NKD1: variants seen among roughly 807,000 people sequenced by gnomAD.
NKD1 encodes the protein NKD inhibitor of Wnt signaling pathway 1.
Under a neutral mutation model 56.0 loss-of-function variants are expected in NKD1, and 21 were observed. The observed-to-expected ratio is 0.38, with a 90% CI of 0.27 to 0.54. NKD1 has a LOEUF of 0.54. Among genes scored for constraint, NKD1 ranks in the 20% least tolerant of loss-of-function variants. The probability of loss-of-function intolerance (pLI) is 0.82; values close to 1 mark genes in which losing one functional copy is unlikely to be tolerated. For synonymous variants in NKD1, 263 were observed against 265.7 expected, an observed-to-expected ratio of 0.99 and a Z score of 0.10; for missense variants, 578 against 642.7, an observed-to-expected ratio of 0.90 and a Z score of 1.09.
intron 4 of NKD1, among the ~76,000 whole-genome samples, chr16:50,611,358 G>A (rs1961842939): frequency 8.2e-6 from 1 of 122,318 alleles, no homozygotes; most frequent in Admixed American, 7.4e-5. Flanking sequence ...TCTTTAGGAA[G>A]GCTGCTCTGC....
intron 4 of NKD1, among the ~76,000 whole-genome samples, chr16:50,612,563 G>T (rs539584886): frequency 6.6e-6 from 1 of 152,220 alleles, no homozygotes; most frequent in African/African-American, 2.4e-5. Context: ...GAAGTTTCTA[G>T]TAGTGGTTCT....
At chr16:50,580,302 C>A (rs1376009932) in intron 3 of NKD1, among the ~76,000 whole-genome samples, 1 of 152,254 alleles carries the variant, frequency 6.6e-6, no homozygotes, top group Non-Finnish European at 1.5e-5. Context: ...TGTGTGCTCA[C>A]CCCTTCCCAC....
chr16:50,550,200 ATGAG>A (rs1307534103), intron 3 of NKD1, among the ~76,000 whole-genome samples: 1 of 151,976 alleles, frequency 6.6e-6, no homozygotes, highest in East Asian at 1.9e-4. Context: ...TGTGATGGGA[ATGAG>A]TGAGTCCAGC....
rs1036392046 is a variant in NKD1, at chr16:50,548,399, C to T, written c.-155C>T. 6 of 312,334 alleles carry T rather than the reference C, an allele frequency of 1.9e-5. No homozygotes were observed. The highest frequency in any genetic ancestry group is 1.1e-4 in the African/African-American group (5 of 44,356). 19.3% of individuals were successfully genotyped at this position (312,334 alleles called of 1,614,324 possible). The stretch of plus-strand genomic sequence containing the variant: ...GGGCTCGGCGCTCCCGGGCGTCAGT[C>T]GGGCCGCGGCGACGGCGGCAGGAGC... On this transcript the variant is annotated 5_prime_UTR_variant, in exon 1 of 10. Coordinates refer to ENST00000268459, the MANE Select transcript of NKD1 (RefSeq NM_033119.5).
chr16:50,615,974 C>T, intron 4 of NKD1: 1 of 438,940 alleles, frequency 2.3e-6, no homozygotes, highest in Non-Finnish European at 4.7e-6. Flanking sequence ...TCTCTTTTTA[C>T]TGGCAGCAGA....
rs1433757487 is a variant in NKD1, at chr16:50,548,546, GC to G, written c.-4del. On this transcript the variant is annotated 5_prime_UTR_variant, in exon 1 of 10. Transcript: ENST00000268459. ...CTTAGGGACGCTCCCGGCCGCCGCAGCCCCAGCATGGGGAAACTTCACTCCA... is the reference window on the plus strand; with the variant it reads ...CTTAGGGACGCTCCCGGCCGCCGCAGCCCAGCATGGGGAAACTTCACTCCA... The G allele has an allele frequency of 6.8e-7, 1 of 1,466,822 alleles. No individual in the cohort carries two copies. Among genetic ancestry groups the G allele is most frequent in the Non-Finnish European group, 9.0e-7 (1 of 1,114,758 alleles). The allele number at this position is 1,466,822 out of a possible 1,614,324, so 90.9% of individuals were successfully genotyped here. A position where few individuals can be genotyped will look rare whatever the true frequency, so the allele number is the denominator to read the frequency against.
intron 3 of NKD1, among the ~76,000 whole-genome samples, chr16:50,550,380 G>T (rs1305356797): frequency 7.9e-5 from 12 of 151,398 alleles, no homozygotes; most frequent in African/African-American, 1.2e-4. Flanking sequence ...TTAACTTAGA[G>T]GGGGAATAGA....
chr16:50,629,820 T>C (rs2151280785), intron 6 of NKD1, among the ~76,000 whole-genome samples: 1 of 152,172 alleles, frequency 6.6e-6, no homozygotes, highest in Admixed American at 6.5e-5. Flanking sequence ...CTTGGGGAGC[T>C]CTCAGGCAGT....
chr16:50,590,726 G>C lies in NKD1; in HGVS notation c.193-17568G>C, dbSNP rs117604659. On this transcript the variant is annotated intron_variant, in intron 3 of 9. Coordinates refer to ENST00000268459, the MANE Select transcript of NKD1 (RefSeq NM_033119.5). ...CCAGGACCCAAGCCTCAGGCCATGT[G>C]GGGGCATGGTCTGGGCCCCACACCA... Among the ~76,000 whole-genome samples, 631 of 152,338 alleles carry C rather than the reference G, an allele frequency of 4.1e-3. 3 individuals are homozygous for C. The highest frequency in any genetic ancestry group is 6.1e-3 in the Non-Finnish European group (415 of 68,028).
At chr16:50,630,419 C>A (rs1024926190) in intron 7 of NKD1, 86 bp downstream of exon 7, 4 of 1,476,766 alleles carry the variant, frequency 2.7e-6, no homozygotes, top group Non-Finnish European at 3.7e-6. Context: ...CGGAAGGGAA[C>A]CTGTGGGCTT....
intron 3 of NKD1, among the ~76,000 whole-genome samples, chr16:50,597,939 C>T (rs1219052975): frequency 6.6e-6 from 1 of 152,058 alleles, no homozygotes; most frequent in Non-Finnish European, 1.5e-5. Flanking sequence ...GGTGGGAAGT[C>T]GAAATCCACA....
At chr16:50,625,606 C>T (rs1469137252) in intron 6 of NKD1, 26 bp downstream of exon 6, 2 of 1,462,672 alleles carry the variant, frequency 1.4e-6, no homozygotes. Flanking sequence ...TGGCCTCTTG[C>T]CGTGTATCAT....
intron 4 of NKD1, among the ~76,000 whole-genome samples, chr16:50,610,812 T>A (rs1961830197): frequency 6.6e-6 from 1 of 152,148 alleles, no homozygotes. Context: ...GGATGGGAGA[T>A]TAAGGCTGGG....
At chr16:50,570,810 C>T in intron 3 of NKD1, 1 of 985,420 alleles carries the variant, frequency 1.0e-6, no homozygotes, top group Non-Finnish European at 1.2e-6. Flanking sequence ...CTTGGTTTTT[C>T]CATCTGGGAA....
intron 3 of NKD1, 77 bp from the exon 4 acceptor site, chr16:50,608,217 T>A (rs1350604039): frequency 1.1e-5 from 11 of 978,088 alleles, no homozygotes; most frequent in Non-Finnish European, 1.8e-5. Context: ...CCCAGGGTCC[T>A]CATGGCACTG....
chr16:50,631,177 C>CGGACGGG (rs1320787982), intron 8 of NKD1, among the ~76,000 whole-genome samples: 3 of 152,190 alleles, frequency 2.0e-5, no homozygotes, highest in Non-Finnish European at 4.4e-5. Flanking sequence ...GCATCAGGCT[C>CGGACGGG]TGACGTGTTG....
At chr16:50,551,515 C>A (rs1372433413) in intron 3 of NKD1, among the ~76,000 whole-genome samples, 1 of 152,224 alleles carries the variant, frequency 6.6e-6, no homozygotes, top group Non-Finnish European at 1.5e-5. Flanking sequence ...GCCTCTGTCT[C>A]CTTGGGAGTT....
At chr16:50,620,981 T>C (rs935705681) in intron 4 of NKD1, among the ~76,000 whole-genome samples, 7 of 152,316 alleles carry the variant, frequency 4.6e-5, no homozygotes, top group Middle Eastern at 6.8e-3. Flanking sequence ...TGTGTGAGTG[T>C]GCATATGTGT....
rs550982305 is a variant in NKD1 at position 50,643,424 on chromosome 16, G to T, written c.*9643G>T. 1 of 152,258 alleles carries T rather than the reference G, an allele frequency of 6.6e-6. No homozygotes were observed. Among genetic ancestry groups the T allele is most frequent in the Non-Finnish European group, 1.5e-5 (1 of 68,066 alleles). 9.4% of individuals were successfully genotyped at this position (152,258 alleles called of 1,614,324 possible). A position where few individuals can be genotyped will look rare whatever the true frequency, so the allele number is the denominator to read the frequency against. ...GGTTGACAAAGACCAGTCCTACTCC[G>T]TTGTCTGCCATTACTCCAGCCAAGT... On this transcript the variant is annotated 3_prime_UTR_variant, in exon 10 of 10. Transcript: ENST00000268459.
Sources: gnomAD v4.1 joint callset for allele counts (sites outside exome capture counted in the v4.1 genomes callset) on GRCh38, gnomAD v4.1.1 for gene constraint, MANE v1.5 for transcripts, NCBI Gene and HGNC (gene_info 2026-07-23, HGNC 2026-07-21) for gene names.